Variants in SH3GL2 observed in about 807,000 individuals in gnomAD.
SH3GL2 encodes endophilin-A1.
A neutral mutation model predicts 46.0 loss-of-function variants in SH3GL2; 24 were observed. The observed-to-expected ratio is 0.52, with a 90% confidence interval of 0.38 to 0.73. The LOEUF (loss-of-function observed/expected upper bound fraction) is 0.73, where lower values mean the gene tolerates loss of function less well. Among genes scored for constraint, SH3GL2 ranks in the 30% least tolerant of loss-of-function variants. The pLI, the probability that SH3GL2 is intolerant of heterozygous loss-of-function variation, is 0.00. For synonymous variants in SH3GL2, 196 were observed against 147.1 expected (o/e 1.33, Z -2.40); for missense variants, 413 against 424.2 (o/e 0.97, Z 0.23).
intron 1 of SH3GL2, among the ~76,000 whole-genome samples, chr9:17,661,084 C>A (rs1407991340): frequency 1.3e-5 from 2 of 152,134 alleles, no homozygotes; most frequent in African/African-American, 4.8e-5. Context: ...ATCGCTTGAA[C>A]CTGGGAGGCA....
In SH3GL2 at chr9:17,683,767, G is replaced by T. The variant is rs1820833976; in HGVS notation, c.46-63299G>T. Among the ~76,000 whole-genome samples the T allele has an allele frequency of 5.3e-5, 8 of 152,198 alleles. 1 individual carries two copies. In the Middle Eastern group the frequency reaches 0.021, roughly 391 times the overall value. On this transcript the variant is annotated intron_variant, in intron 1 of 8. Coordinates refer to ENST00000380607, the MANE Select transcript of SH3GL2 (RefSeq NM_003026.5). ...CCCTAAGGTACAGGCACAAAGGGAAGACCTAAAGCTGAGGGTGAAGCAGAC... is the reference window on the plus strand; with the variant it reads ...CCCTAAGGTACAGGCACAAAGGGAATACCTAAAGCTGAGGGTGAAGCAGAC...
At chr9:17,697,266 C>A (rs908805887) in intron 1 of SH3GL2, among the ~76,000 whole-genome samples, 1 of 151,748 alleles carries the variant, frequency 6.6e-6, no homozygotes, top group South Asian at 2.1e-4. Context: ...CTTTTTCACC[C>A]AGGCTGGAGT....
chr9:17,594,699 C>T (rs74989753), intron 1 of SH3GL2, among the ~76,000 whole-genome samples: 126 of 147,812 alleles, frequency 8.5e-4, no homozygotes, highest in African/African-American at 3.0e-3. Context: ...TAGTGCTCGG[C>T]TCACTGCTAT....
chr9:17,735,680 A>G (rs1822313697), intron 1 of SH3GL2: 2 of 588,696 alleles, frequency 3.4e-6, no homozygotes, highest in Non-Finnish European at 4.3e-6. Context: ...TCTAGAACCA[A>G]TCCCCTGCAT....
chr9:17,694,113 G>A (rs1339273142), intron 1 of SH3GL2, among the ~76,000 whole-genome samples: 2 of 152,028 alleles, frequency 1.3e-5, no homozygotes, highest in African/African-American at 2.4e-5. Context: ...GGAAATTGGA[G>A]ACCAATTTTC....
chr9:17,601,278 C>T (rs1447657248), intron 1 of SH3GL2, among the ~76,000 whole-genome samples: 2 of 151,774 alleles, frequency 1.3e-5, no homozygotes, highest in Non-Finnish European at 2.9e-5. Flanking sequence ...TACTAAAGGA[C>T]ATACAGCAAG....
At chr9:17,679,899 G>C (rs952871915) in intron 1 of SH3GL2, among the ~76,000 whole-genome samples, 13 of 152,130 alleles carry the variant, frequency 8.5e-5, no homozygotes, top group Admixed American at 4.6e-4. Context: ...TGTGGTTTTT[G>C]TCTTTGGTTC....
chr9:17,686,884 A>T (rs959775935), intron 1 of SH3GL2, among the ~76,000 whole-genome samples: 2 of 151,086 alleles, frequency 1.3e-5, no homozygotes, highest in Admixed American at 6.6e-5. Context: ...GCACATGTAT[A>T]CATATGTAAC....
At chr9:17,717,658 G>T (rs1465339753) in intron 1 of SH3GL2, among the ~76,000 whole-genome samples, 3 of 152,106 alleles carry the variant, frequency 2.0e-5, no homozygotes, top group Non-Finnish European at 2.9e-5. Context: ...GGGAAGAGAA[G>T]TTAAATGATA....
intron 1 of SH3GL2, among the ~76,000 whole-genome samples, chr9:17,719,678 G>C (rs1290282736): frequency 1.3e-5 from 2 of 151,750 alleles, no homozygotes; most frequent in African/African-American, 2.4e-5. Context: ...CTGTGGTCCT[G>C]GCTATTTGGG....
At chr9:17,690,607 G>A (rs183879903) in intron 1 of SH3GL2, among the ~76,000 whole-genome samples, 1 of 152,238 alleles carries the variant, frequency 6.6e-6, no homozygotes, top group Non-Finnish European at 1.5e-5. Flanking sequence ...GTTAGGACCT[G>A]TGAGTGGAAG....
At chr9:17,593,506 A>G (rs758770984) in intron 1 of SH3GL2, among the ~76,000 whole-genome samples, 15 of 152,174 alleles carry the variant, frequency 9.9e-5, no homozygotes, top group Non-Finnish European at 1.9e-4. Flanking sequence ...TGAGGTATAT[A>G]TATAATAGGA....
At chr9:17,662,026 C>A (rs1401566979) in intron 1 of SH3GL2, among the ~76,000 whole-genome samples, 1 of 152,088 alleles carries the variant, frequency 6.6e-6, no homozygotes, top group Non-Finnish European at 1.5e-5. Context: ...TATAATTTTA[C>A]TCTTTTAAAT....
chr9:17,738,579 G>T (rs57825559), intron 1 of SH3GL2, among the ~76,000 whole-genome samples: 16,891 of 91,744 alleles, frequency 0.18, 2,679 homozygotes, highest in Non-Finnish European at 0.23. Flanking sequence ...TATATATAGA[G>T]AGAGAGAGAG....
intron 1 of SH3GL2, among the ~76,000 whole-genome samples, chr9:17,705,828 G>T (rs1292542721): frequency 6.6e-6 from 1 of 151,842 alleles, no homozygotes; most frequent in Non-Finnish European, 1.5e-5. Flanking sequence ...GAGGGTGAGG[G>T]TCGTAAAACT....
chr9:17,729,405 C>A (rs1037178816), intron 1 of SH3GL2, among the ~76,000 whole-genome samples: 1 of 152,080 alleles, frequency 6.6e-6, no homozygotes, highest in Non-Finnish European at 1.5e-5. Flanking sequence ...TTCCCCCATT[C>A]CGTAGGTTGC....
intron 1 of SH3GL2, among the ~76,000 whole-genome samples, chr9:17,680,213 C>G (rs1820732127): frequency 6.6e-6 from 1 of 152,098 alleles, no homozygotes; most frequent in South Asian, 2.1e-4. Flanking sequence ...GGTACCAGCT[C>G]CTCTTTGTAC....
At chr9:17,697,932 G>C (rs74858521) in intron 1 of SH3GL2, among the ~76,000 whole-genome samples, 3,943 of 152,252 alleles carry the variant, frequency 0.026, 126 homozygotes, top group East Asian at 0.11. Flanking sequence ...GAATCTCTGG[G>C]AGCTAGAAAA....
intron 1 of SH3GL2, among the ~76,000 whole-genome samples, chr9:17,706,920 T>C (rs928462886): frequency 6.6e-6 from 1 of 152,002 alleles, no homozygotes; most frequent in African/African-American, 2.4e-5. Flanking sequence ...GAAAGGCAAT[T>C]CAAGCAGTGT....
Sources: allele counts gnomAD v4.1 joint callset (sites outside exome capture counted in the v4.1 genomes callset), GRCh38; gene constraint gnomAD v4.1.1; transcripts MANE v1.5; gene names NCBI Gene and HGNC (gene_info 2026-07-23, HGNC 2026-07-21).